The following WWP1 variants were observed in gnomAD, a reference collection of about 807,000 sequenced individuals.
The protein encoded by WWP1 is NEDD4-like E3 ubiquitin-protein ligase WWP1.
Under a neutral mutation model 130.6 loss-of-function variants are expected in WWP1, and 49 were observed. The ratio of observed to expected loss-of-function variants is 0.38; its 90% CI spans 0.30 to 0.48. WWP1 has a LOEUF of 0.48. Among genes scored for constraint, WWP1 ranks in the 20% least tolerant of loss-of-function variants. WWP1 has a pLI of 0.99. For synonymous variants in WWP1, 332 were observed against 367.8 expected (o/e 0.90, Z 1.11); for missense variants, 809 against 1,100.6 (o/e 0.74, Z 3.75).
chr8:86,461,000 AG>A (rs1198245123), intron 22 of WWP1, among the ~76,000 whole-genome samples: 2 of 151,432 alleles, frequency 1.3e-5, no homozygotes, highest in African/African-American at 4.8e-5. Context: ...TAGTAGAGAC[AG>A]GGTTTCACCA....
chr8:86,452,619 T>C lies in WWP1; in HGVS notation c.2334T>C (p.Asp778=). Residue 778 remains aspartate (D), a synonymous_variant, in exon 21 of 25, where the codon GAT becomes GAC. Coordinates refer to ENST00000517970, the MANE Select transcript of WWP1 (RefSeq NM_007013.4). ...GVQEQTKAFL[D]GFNEVVPLQW... ...AAGAACAGACCAAAGCTTTCCTTGA[T>C]GGTTTTAATGAAGTTGTTCCTCTTC... 1 of 1,613,470 alleles carries C rather than the reference T, an allele frequency of 6.2e-7. No individual in the cohort carries two copies. The highest frequency in any genetic ancestry group is 1.3e-5 in the African/African-American group (1 of 75,018).
intron 18 of WWP1, 82 bp from the exon 19 acceptor site, chr8:86,448,066 T>C: frequency 1.6e-6 from 2 of 1,224,792 alleles, no homozygotes; most frequent in Non-Finnish European, 2.3e-6. Context: ...TTGTGAAGTC[T>C]CATGATTTTT....
rs1161926105 is a variant in WWP1, at chr8:86,468,393, C to A, written c.*1500C>A. 4 of 451,428 alleles carry A rather than the reference C, an allele frequency of 8.9e-6. No individual in the cohort carries two copies. The highest frequency in any genetic ancestry group is 2.0e-5 in the African/African-American group (1 of 49,682). 28.0% of individuals were successfully genotyped at this position (451,428 alleles called of 1,614,324 possible). Reference sequence around the variant, plus strand: ...GTTGAATAGACTCCTTTTCCAAATCCTTATTATGAACACTCTGGTAATTTT... The same window carrying A: ...GTTGAATAGACTCCTTTTCCAAATCATTATTATGAACACTCTGGTAATTTT... On this transcript the variant is annotated 3_prime_UTR_variant, in exon 25 of 25. Coordinates refer to ENST00000517970, the MANE Select transcript of WWP1 (RefSeq NM_007013.4).
At chr8:86,387,605 T>G (rs1404287954) in intron 5 of WWP1, among the ~76,000 whole-genome samples, 1 of 152,056 alleles carries the variant, frequency 6.6e-6, no homozygotes, top group Non-Finnish European at 1.5e-5. Flanking sequence ...CTTTGCCTCC[T>G]AGGTTCAAGC....
intron 9 of WWP1, among the ~76,000 whole-genome samples, chr8:86,421,825 A>G (rs931597908): frequency 6.6e-6 from 1 of 152,142 alleles, no homozygotes; most frequent in Non-Finnish European, 1.5e-5. Flanking sequence ...GCCATCTCAA[A>G]AAAAAAAAAT....
rs574117512 is a variant in WWP1, at chr8:86,393,233, G to A, written c.335-5109G>A. 1.3e-4 allele frequency among the ~76,000 whole-genome samples: 20 copies of A among 151,702 alleles called. No homozygotes were observed. The East Asian group carries it at 3.9e-3, about 29-fold the overall frequency. Reference sequence around the variant, plus strand: ...TATTTATTTATTTTTTTGAGACAGGGTCTCACTCTGTCTCTCAGGCTGGAG... The same window carrying A: ...TATTTATTTATTTTTTTGAGACAGGATCTCACTCTGTCTCTCAGGCTGGAG... On this transcript the variant is annotated intron_variant, in intron 5 of 24. Coordinates refer to ENST00000517970, the MANE Select transcript of WWP1 (RefSeq NM_007013.4).
intron 3 of WWP1, among the ~76,000 whole-genome samples, chr8:86,378,567 G>GA (rs1281405309): frequency 2.0e-5 from 3 of 151,502 alleles, no homozygotes; most frequent in Non-Finnish European, 2.9e-5. Flanking sequence ...CATTAAATGA[G>GA]AAAAAAAATC....
At chr8:86,350,477 A>G (rs10956802) in intron 1 of WWP1, among the ~76,000 whole-genome samples, 46,718 of 151,784 alleles carry the variant, frequency 0.31, 8,907 homozygotes, top group Middle Eastern at 0.45. Context: ...CCTGCATCCT[A>G]ATGCAAATCT....
chr8:86,456,731 T>G (rs1483446017), intron 21 of WWP1, among the ~76,000 whole-genome samples: 1 of 151,938 alleles, frequency 6.6e-6, no homozygotes, highest in East Asian at 1.9e-4. Flanking sequence ...ATAAGCAAAT[T>G]GTTGTATATT....
At chr8:86,452,989 A>C (rs1811254379) in intron 21 of WWP1, among the ~76,000 whole-genome samples, 1 of 152,200 alleles carries the variant, frequency 6.6e-6, no homozygotes, top group Non-Finnish European at 1.5e-5. Context: ...TTCAAAGATC[A>C]GAATTTTAAG....
intron 9 of WWP1, among the ~76,000 whole-genome samples, chr8:86,412,685 GT>G (rs1219337965): frequency 2.8e-5 from 4 of 142,628 alleles, no homozygotes; most frequent in Non-Finnish European, 6.0e-5. Flanking sequence ...CAGTCACTAT[GT>G]TAGTGTACGT....
chr8:86,444,804 A>G (rs1313514194), intron 18 of WWP1, among the ~76,000 whole-genome samples: 1 of 152,222 alleles, frequency 6.6e-6, no homozygotes. Flanking sequence ...AGAATTGGTC[A>G]CTAACTGGAA....
At chr8:86,452,404 A>G (rs1393178651) in intron 20 of WWP1, among the ~76,000 whole-genome samples, 155 bp from the exon 21 acceptor site, 1 of 152,174 alleles carries the variant, frequency 6.6e-6, no homozygotes, top group East Asian at 1.9e-4. Flanking sequence ...CTCTAAAATT[A>G]TATGTATTCA....
At chr8:86,367,961 A>T (rs1163480110) in intron 1 of WWP1, among the ~76,000 whole-genome samples, 1 of 152,152 alleles carries the variant, frequency 6.6e-6, no homozygotes, top group East Asian at 1.9e-4. Context: ...ACTTACATAA[A>T]CCGTGACTCC....
chr8:86,352,305 A>G (rs1822984435), intron 1 of WWP1, among the ~76,000 whole-genome samples: 1 of 151,820 alleles, frequency 6.6e-6, no homozygotes, highest in Non-Finnish European at 1.5e-5. Context: ...GCTCACTGCA[A>G]CCTCTCCCTC....
chr8:86,411,529 C>T lies in WWP1; in HGVS notation c.725-9C>T. 6.2e-7 allele frequency: 1 copy of T among 1,600,196 alleles called. No individual in the cohort carries two copies. The highest frequency in any genetic ancestry group is 2.2e-5 in the East Asian group (1 of 44,648). The stretch of plus-strand genomic sequence containing the variant: ...TTGATAGATGATTTTATTAATTTTC[C>T]CTTCTCAGTTAATGGAGAATCATCC... On this transcript the variant is annotated splice_polypyrimidine_tract_variant and intron_variant, in intron 8 of 24. Transcript: ENST00000517970.
At position 86,366,128 on chromosome 8, in the gene WWP1, A is replaced by G. The variant is rs575198482; in HGVS notation, c.-114-2811A>G. ...TGCCGGAGAGTGCTGGAGAGACTGT[A>G]GTTCCTGAGTTAAGCAGACCAATTC... On this transcript the variant is annotated intron_variant, in intron 1 of 24. Transcript: ENST00000517970. 4.6e-5 allele frequency among the ~76,000 whole-genome samples: 7 copies of G among 152,330 alleles called. No individual in the cohort carries two copies. In the South Asian group the frequency reaches 1.4e-3, roughly 32 times the overall value.
Position 86,388,713 on chromosome 8 carries a change from C to T in WWP1, c.334+7084C>T, listed in dbSNP as rs1008956677. On this transcript the variant is annotated intron_variant, in intron 5 of 24. Transcript: ENST00000517970. The stretch of plus-strand genomic sequence containing the variant: ...ATTTTTAGTTTTCACAAAATCATTT[C>T]TTTTATAATAGTTCTTAATTTATTT... Among the ~76,000 whole-genome samples, 3 of 151,976 alleles carry T rather than the reference C, an allele frequency of 2.0e-5. 1 individual carries two copies. The highest frequency in any genetic ancestry group is 2.0e-4 in the Admixed American group (3 of 15,268).
At chr8:86,425,963 G>A (rs992232029) in intron 10 of WWP1, among the ~76,000 whole-genome samples, 1 of 152,066 alleles carries the variant, frequency 6.6e-6, no homozygotes. Context: ...TGTGTACCTG[G>A]AATATATTTC....
Sources: allele counts gnomAD v4.1 joint callset (sites outside exome capture counted in the v4.1 genomes callset), GRCh38; gene constraint gnomAD v4.1.1; transcripts MANE v1.5; gene names NCBI Gene and HGNC (gene_info 2026-07-23, HGNC 2026-07-21).